ZNF10: variants seen among roughly 807,000 people sequenced by gnomAD.
The protein encoded by ZNF10 is zinc finger protein 10 (KOX 1).
Under a neutral mutation model 12.2 loss-of-function variants are expected in ZNF10, and 8 were observed. The observed-to-expected ratio is 0.66, with a 90% CI of 0.39 to 1.18. The LOEUF (loss-of-function observed/expected upper bound fraction) is 1.18. Ranked by LOEUF, ZNF10 falls within the 50% of genes most tolerant of loss-of-function variation. The probability of loss-of-function intolerance (pLI) is 0.01; values close to 1 mark genes in which losing one functional copy is unlikely to be tolerated. For synonymous variants in ZNF10, 229 were observed against 228.2 expected (o/e 1.00, Z -0.03); for missense variants, 603 against 678.9 (o/e 0.89, Z 1.24).
chr12:133,147,717 G>A (rs541680238), intron 2 of ZNF10, among the ~76,000 whole-genome samples: 1 of 147,544 alleles, frequency 6.8e-6, no homozygotes, highest in African/African-American at 2.5e-5. Flanking sequence ...CCGGATTCAA[G>A]CAATTCTCCT....
chr12:133,156,821 C>T lies in ZNF10; in HGVS notation c.1575C>T (p.Ile525=), dbSNP rs750474909. The T allele has an allele frequency of 1.9e-6, 3 of 1,545,686 alleles. No homozygotes were observed. Among genetic ancestry groups the T allele is most frequent in the East Asian group, 2.3e-5 (1 of 44,430 alleles). ...ATAAATGTAATCAATGTGGCATTAT[C>T]TTCAGCCAGAACTCTCCATTTATAG... The part of the protein sequence containing the change: ...ETYKCNQCGI[I]FSQNSPFIVH... The change falls in exon 5 of 5, where the codon ATC becomes ATT. Residue 525 remains isoleucine (I), a synonymous_variant. Transcript: ENST00000248211.
chr12:133,157,533 C>G lies in ZNF10; in HGVS notation c.*565C>G, dbSNP rs1956050110. 6.6e-6 allele frequency: 1 copy of G among 152,146 alleles called. No individual in the cohort carries two copies. Among genetic ancestry groups the G allele is most frequent in the Non-Finnish European group, 1.5e-5 (1 of 68,030 alleles). 9.4% of individuals were successfully genotyped at this position (152,146 alleles called of 1,614,324 possible). On this transcript the variant is annotated 3_prime_UTR_variant, in exon 5 of 5. Transcript: ENST00000248211. Reference sequence around the variant, plus strand: ...ATTAAAAACAACACATCTCCACTACCAGTGCTAACCCATTTTTAAGTACAT... The same window carrying G: ...ATTAAAAACAACACATCTCCACTACGAGTGCTAACCCATTTTTAAGTACAT...
chr12:133,137,669 C>T (rs1955920168), intron 1 of ZNF10, among the ~76,000 whole-genome samples: 1 of 152,158 alleles, frequency 6.6e-6, no homozygotes, highest in Admixed American at 6.6e-5. Context: ...TCAGTTTCTT[C>T]CAGTAGCCTC....
In ZNF10 at chr12:133,131,140, A is replaced by G. The variant is rs533216879; in HGVS notation, c.-60+386A>G. The G allele has an allele frequency of 3.2e-3, 493 of 152,340 alleles. 3 individuals are homozygous for G. Among genetic ancestry groups the G allele is most frequent in the African/African-American group, 0.011 (468 of 41,578 alleles). 9.4% of individuals were successfully genotyped at this position (152,340 alleles called of 1,614,324 possible). A position where few individuals can be genotyped will look rare whatever the true frequency, so the allele number is the denominator to read the frequency against. On this transcript the variant is annotated intron_variant, in intron 1 of 4. Transcript: ENST00000248211. ...TATGGCCTTTCTAGTATTTGTTGAA[A>G]TAGTGACGCCGATTCGTGTGTGGTC...
Position 133,157,732 on chromosome 12 carries a change from G to A in ZNF10, c.*764G>A, listed in dbSNP as rs909783103. 1 of 152,152 alleles carries A rather than the reference G, an allele frequency of 6.6e-6. No homozygotes were observed. The highest frequency in any genetic ancestry group is 1.5e-5 in the Non-Finnish European group (1 of 68,026). The allele number at this position is 152,152 out of a possible 1,614,324, so 9.4% of individuals were successfully genotyped here. A position where few individuals can be genotyped will look rare whatever the true frequency, so the allele number is the denominator to read the frequency against. On this transcript the variant is annotated 3_prime_UTR_variant, in exon 5 of 5. Coordinates refer to ENST00000248211, the MANE Select transcript of ZNF10 (RefSeq NM_015394.5). The stretch of plus-strand genomic sequence containing the variant: ...GTTTCTCTATTCTACCATCAAAGAA[G>A]CTTTTGAGTACCACCTGTTAATGAG...
Position 133,156,332 on chromosome 12 carries a change from T to C in ZNF10, c.1086T>C (p.Ser362=). The C allele has an allele frequency of 6.2e-7, 1 of 1,614,202 alleles. No individual in the cohort carries two copies. Among genetic ancestry groups the C allele is most frequent in the South Asian group, 1.1e-5 (1 of 91,086 alleles). Residue 362 remains serine, a synonymous_variant, in exon 5 of 5, where the codon TCT becomes TCC. Transcript: ENST00000248211. ...NQCGKSFVHS[S]RLIRHQRTHT... ...GTGGGAAATCTTTTGTTCATAGCTC[T>C]AGGCTTATTAGACACCAGAGGACAC...
In ZNF10 at chr12:133,155,808, C is replaced by T. The variant is rs552687075; in HGVS notation, c.562C>T (p.Arg188Cys). 1.3e-5 allele frequency: 21 copies of T among 1,613,774 alleles called. 1 individual carries two copies. In the South Asian group the frequency reaches 1.4e-4, roughly 11 times the overall value. ...AGTACTGAGAGAGTATTTCCATAAA[C>T]GTGACTCACATACTAAAAGTTTAAA... ...QLVLREYFHK[R>C]DSHTKSLKHD... is the part of the protein sequence containing the mutation. Residue 188 changes from arginine (R) to cysteine (C), a missense_variant, in exon 5 of 5, where the codon CGT becomes TGT. Transcript: ENST00000248211.
In ZNF10 at chr12:133,139,543, CTT is replaced by C. The variant is rs143994056; in HGVS notation, c.-59-4888_-59-4887del. On this transcript the variant is annotated intron_variant, in intron 1 of 4. Transcript: ENST00000248211. ...AGGGAATTTTAAACAGGGAGTGAAA[CTT>C]TTGTGTTTTACAGAGATGATGTTGC... Among the ~76,000 whole-genome samples the C allele has an allele frequency of 3.8e-3, 571 of 152,220 alleles. 1 individual carries two copies. Among genetic ancestry groups the C allele is most frequent in the Non-Finnish European group, 4.3e-3 (290 of 68,020 alleles).
intron 2 of ZNF10, among the ~76,000 whole-genome samples, chr12:133,145,143 C>T (rs1213299914): frequency 6.6e-6 from 1 of 152,164 alleles, no homozygotes; most frequent in Non-Finnish European, 1.5e-5. Flanking sequence ...CCTCCCAAAG[C>T]ACTGCATTAC....
At chr12:133,154,933 C>G (rs897893909) in intron 4 of ZNF10, among the ~76,000 whole-genome samples, 6 of 152,210 alleles carry the variant, frequency 3.9e-5, no homozygotes, top group Non-Finnish European at 7.4e-5. Flanking sequence ...TAAAAATTAA[C>G]CAGGCATGGT....
At chr12:133,142,329 G>A (rs1308350074) in intron 1 of ZNF10, among the ~76,000 whole-genome samples, 2 of 149,194 alleles carry the variant, frequency 1.3e-5, no homozygotes, top group African/African-American at 5.0e-5. Context: ...AGAATTGCTT[G>A]AACCTGGGAG....
intron 2 of ZNF10, among the ~76,000 whole-genome samples, chr12:133,146,698 T>C (rs1012286208): frequency 1.3e-5 from 2 of 151,814 alleles, no homozygotes; most frequent in Non-Finnish European, 1.5e-5. Context: ...ATACAAAAAT[T>C]AGCTGGGCAC....
At chr12:133,144,402 AAACTT>A (rs1955963796) in intron 1 of ZNF10, 27 bp from the exon 2 acceptor site, 9 of 1,437,198 alleles carry the variant, frequency 6.3e-6, no homozygotes, top group African/African-American at 1.4e-5. Flanking sequence ...CAGTCATAGC[AAACTT>A]AACTTATGTT....
Position 133,156,026 on chromosome 12 carries a change from TAGAG to T in ZNF10, c.784_787del (p.Glu262AsnfsTer138). 1 of 1,613,826 alleles carries T rather than the reference TAGAG, an allele frequency of 6.2e-7. No homozygotes were observed. ...CTCTTGGTATATCAAAGGGCATACATAGAGAGAAACCCTATGAATGTAAGGAATG... is the reference window on the plus strand; with the variant it reads ...CTCTTGGTATATCAAAGGGCATACATAGAAACCCTATGAATGTAAGGAATG... On this transcript the variant is annotated frameshift_variant, in exon 5 of 5. Coordinates refer to ENST00000248211, the MANE Select transcript of ZNF10 (RefSeq NM_015394.5). LOFTEE classifies it low-confidence loss of function (END_TRUNC).
At chr12:133,131,872 C>T (rs1955879942) in intron 1 of ZNF10, among the ~76,000 whole-genome samples, 1 of 152,000 alleles carries the variant, frequency 6.6e-6, no homozygotes, top group Non-Finnish European at 1.5e-5. Flanking sequence ...TTTATATAAG[C>T]ACTGTCTGGA....
Position 133,139,575 on chromosome 12 carries a change from A to G in ZNF10, c.-59-4859A>G, listed in dbSNP as rs73427949. ...GTTTTACAGAGATGATGTTGCTGCA[A>G]ACACTCATTGGAGTGAGAGAGACCA... On this transcript the variant is annotated intron_variant, in intron 1 of 4. Transcript: ENST00000248211. Among the ~76,000 whole-genome samples, 344 of 152,312 alleles carry G rather than the reference A, an allele frequency of 2.3e-3. 2 individuals carry two copies. The highest frequency in any genetic ancestry group is 8.1e-3 in the African/African-American group (337 of 41,558).
In ZNF10 at chr12:133,157,080, A is replaced by T. The variant is rs1956047425; in HGVS notation, c.*112A>T. The stretch of plus-strand genomic sequence containing the variant: ...TGGAAATGCTTTCAGTCTTGTTACT[A>T]TCCTATTGCACATTAGAGAATTGGT... On this transcript the variant is annotated 3_prime_UTR_variant, in exon 5 of 5. Coordinates refer to ENST00000248211, the MANE Select transcript of ZNF10 (RefSeq NM_015394.5). 1.0e-6 allele frequency: 1 copy of T among 988,204 alleles called. No homozygotes were observed. Among genetic ancestry groups the T allele is most frequent in the Non-Finnish European group, 1.3e-6 (1 of 741,318 alleles). The allele number at this position is 988,204 out of a possible 1,614,324, so 61.2% of individuals were successfully genotyped here. A position where few individuals can be genotyped will look rare whatever the true frequency, so the allele number is the denominator to read the frequency against.
Position 133,155,951 on chromosome 12 carries a change from T to G in ZNF10, c.705T>G (p.Asp235Glu), listed in dbSNP as rs1462780615. ...AGTTTGCAAGAACTCACACAGGTGATAAATCCTACAAATGCCCTGATAATG... is the reference window on the plus strand; with the variant it reads ...AGTTTGCAAGAACTCACACAGGTGAGAAATCCTACAAATGCCCTGATAATG... ...LIQFARTHTG[D>E]KSYKCPDNDN... Residue 235 changes from aspartate (D) to glutamate (E), a missense_variant, in exon 5 of 5, where the codon GAT becomes GAG. Asp to Glu is a conservative substitution (Grantham distance 45). Around this residue, in one of 3 missense-constraint regions of ZNF10, gnomAD observed 393 missense variants for 399.7 expected, o/e 0.98. Coordinates refer to ENST00000248211, the MANE Select transcript of ZNF10 (RefSeq NM_015394.5). 5 of 1,614,086 alleles carry G rather than the reference T, an allele frequency of 3.1e-6. No individual in the cohort carries two copies. The highest frequency in any genetic ancestry group is 4.2e-6 in the Non-Finnish European group (5 of 1,180,004).
intron 1 of ZNF10, among the ~76,000 whole-genome samples, chr12:133,131,875 T>A (rs759978164): frequency 6.6e-6 from 1 of 152,172 alleles, no homozygotes; most frequent in African/African-American, 2.4e-5. Flanking sequence ...ATATAAGCAC[T>A]GTCTGGAAAT....
Sources: allele counts gnomAD v4.1 joint callset (sites outside exome capture counted in the v4.1 genomes callset), GRCh38; gene constraint gnomAD v4.1.1; regional missense constraint gnomAD v4.1.1; transcripts MANE v1.5; gene names NCBI Gene and HGNC (gene_info 2026-07-23, HGNC 2026-07-21).